TSPAN9: variants seen among roughly 807,000 people sequenced by gnomAD.
TSPAN9 encodes the protein tetraspanin-9.
In TSPAN9, 16 loss-of-function variants were observed where a neutral mutation model predicts 31.0. The ratio of observed to expected loss-of-function variants is 0.52; its 90% confidence interval spans 0.35 to 0.78. The LOEUF is 0.78. Ranked by LOEUF, TSPAN9 falls within the 30% of genes least tolerant of loss-of-function variation. The pLI, the probability that TSPAN9 is intolerant of heterozygous loss-of-function variation, is 0.01. For synonymous variants in TSPAN9, 145 were observed against 121.6 expected, an observed-to-expected ratio of 1.19 and a Z score of -1.27; for missense variants, 272 against 312.5, an observed-to-expected ratio of 0.87 and a Z score of 0.98.
At chr12:3,218,872 AC>A (rs570381452) in intron 3 of TSPAN9, among the ~76,000 whole-genome samples, 159 of 150,958 alleles carry the variant, frequency 1.1e-3, no homozygotes, top group African/African-American at 3.8e-3. Flanking sequence ...TTTTTCCTTT[AC>A]CCCCCGGCAA....
At chr12:3,190,720 C>G (rs1330169392) in intron 2 of TSPAN9, among the ~76,000 whole-genome samples, 1 of 152,216 alleles carries the variant, frequency 6.6e-6, no homozygotes, top group Admixed American at 6.5e-5. Context: ...GATGCCTGTC[C>G]TGCAGGAGTG....
chr12:3,280,957 C>T lies in TSPAN9; in HGVS notation c.433-241C>T, dbSNP rs1033558999. The stretch of plus-strand genomic sequence containing the variant: ...CAGGGCTGAGCCAAGGGGCCCAGCC[C>T]GAGGGGTGGGCTGCATTGCCCTCTC... On this transcript the variant is annotated intron_variant, in intron 6 of 8. Coordinates refer to ENST00000011898, the MANE Select transcript of TSPAN9 (RefSeq NM_006675.5). The surrounding 1 kb of genome is among the most constrained non-coding windows in gnomAD (Gnocchi z 4.5). Among the ~76,000 whole-genome samples, 23 of 151,956 alleles carry T rather than the reference C, an allele frequency of 1.5e-4. No individual in the cohort carries two copies. The highest frequency in any genetic ancestry group is 2.9e-4 in the Non-Finnish European group (20 of 67,950).
chr12:3,244,123 T>A (rs1428687216), intron 3 of TSPAN9, among the ~76,000 whole-genome samples: 2 of 152,136 alleles, frequency 1.3e-5, no homozygotes, highest in African/African-American at 4.8e-5. Flanking sequence ...GGGTGATGGG[T>A]GCTTAAGCGA....
Position 3,113,056 on chromosome 12 carries a change from A to T in TSPAN9, c.-18+29337A>T, listed in dbSNP as rs537221741. Among the ~76,000 whole-genome samples the T allele has an allele frequency of 1.4e-4, 22 of 152,224 alleles. No individual in the cohort carries two copies. The South Asian group carries it at 4.4e-3, about 30-fold the overall frequency. ...CCACTGATTGTTCAGGAGCTATTCGATGAATATTTATTGAGAGCTAACTCT... is the reference window on the plus strand; with the variant it reads ...CCACTGATTGTTCAGGAGCTATTCGTTGAATATTTATTGAGAGCTAACTCT... On this transcript the variant is annotated intron_variant, in intron 2 of 8. Transcript: ENST00000011898.
chr12:3,176,686 C>T (rs7314659), intron 2 of TSPAN9, among the ~76,000 whole-genome samples: 43,279 of 152,130 alleles, frequency 0.28, 6,304 homozygotes, highest in African/African-American at 0.31. Context: ...TCTGGGCCCT[C>T]GTCTCAGCGA....
At chr12:3,207,930 A>G (rs1201034115) in intron 3 of TSPAN9, among the ~76,000 whole-genome samples, 1 of 152,238 alleles carries the variant, frequency 6.6e-6, no homozygotes, top group East Asian at 1.9e-4. Context: ...GGGCGCCTCC[A>G]GAAGTGAGGG....
chr12:3,159,301 C>G (rs60879276), intron 2 of TSPAN9, among the ~76,000 whole-genome samples: 4,263 of 151,402 alleles, frequency 0.028, 210 homozygotes, highest in African/African-American at 0.098. Flanking sequence ...TTGTCTGGGT[C>G]CGTCTCAGTT....
chr12:3,248,376 T>C (rs977863316), intron 3 of TSPAN9, among the ~76,000 whole-genome samples: 93 of 152,214 alleles, frequency 6.1e-4, no homozygotes, highest in African/African-American at 2.2e-3. Flanking sequence ...TTGGGGCTGC[T>C]GCTGTTTCTT....
At position 3,283,138 on chromosome 12, in the gene TSPAN9, AC is replaced by A; in HGVS notation, c.*26del. The A allele has an allele frequency of 1.2e-6, 2 of 1,604,378 alleles. No homozygotes were observed. The highest frequency in any genetic ancestry group is 8.5e-7 in the Non-Finnish European group (1 of 1,179,158). Reference sequence around the variant, plus strand: ...ATGAGCGGGCTGGCCGGGAGTGCCCACCCCGCCCTGCTGCCCTGTGGAGGGA... The same window carrying A: ...ATGAGCGGGCTGGCCGGGAGTGCCCACCCGCCCTGCTGCCCTGTGGAGGGA... On this transcript the variant is annotated 3_prime_UTR_variant, in exon 9 of 9. Coordinates refer to ENST00000011898, the MANE Select transcript of TSPAN9 (RefSeq NM_006675.5).
intron 2 of TSPAN9, among the ~76,000 whole-genome samples, chr12:3,166,349 G>A (rs536784141): frequency 6.6e-6 from 1 of 152,242 alleles, no homozygotes; most frequent in Admixed American, 6.5e-5. Flanking sequence ...ATTTAGAAAG[G>A]ATTTGTTATT....
intron 2 of TSPAN9, among the ~76,000 whole-genome samples, chr12:3,096,473 C>T (rs1412677379): frequency 6.6e-6 from 1 of 151,770 alleles, no homozygotes; most frequent in African/African-American, 2.4e-5. Flanking sequence ...GTTTTCCATT[C>T]ACTGGTGCTT....
intron 2 of TSPAN9, among the ~76,000 whole-genome samples, chr12:3,095,216 G>A (rs931867294): frequency 1.6e-5 from 2 of 122,206 alleles, no homozygotes; most frequent in Admixed American, 7.9e-5. Context: ...GGATCCCAAG[G>A]CAGAGGAATT....
In TSPAN9 at chr12:3,147,548, C is replaced by G. The variant is rs924546260; in HGVS notation, c.-17-53629C>G. 6.6e-6 allele frequency among the ~76,000 whole-genome samples: 1 copy of G among 152,148 alleles called. No individual in the cohort carries two copies. Among genetic ancestry groups the G allele is most frequent in the Admixed American group, 6.5e-5 (1 of 15,268 alleles). On this transcript the variant is annotated intron_variant, in intron 2 of 8. Coordinates refer to ENST00000011898, the MANE Select transcript of TSPAN9 (RefSeq NM_006675.5). This position sits in a 1 kb window ranked among gnomAD's most constrained non-coding sequence, Gnocchi z 4.3. The stretch of plus-strand genomic sequence containing the variant: ...TTTGAGCCACCTAGGGCCTGTTCTG[C>G]CCCCGAAGAGAGAGAACCAGCCAGC...
intron 3 of TSPAN9, among the ~76,000 whole-genome samples, chr12:3,203,471 T>A (rs540712880): frequency 1.3e-5 from 2 of 152,338 alleles, no homozygotes. Flanking sequence ...CATCTTCCCT[T>A]AAAACCTTGG....
chr12:3,280,589 AT>A lies in TSPAN9; in HGVS notation c.432+110del. The A allele has an allele frequency of 9.2e-7, 1 of 1,087,170 alleles. No homozygotes were observed. The highest frequency in any genetic ancestry group is 1.3e-6 in the Non-Finnish European group (1 of 748,728). The allele number at this position is 1,087,170 out of a possible 1,614,324, so 67.3% of individuals were successfully genotyped here. A position where few individuals can be genotyped will look rare whatever the true frequency, so the allele number is the denominator to read the frequency against. The stretch of plus-strand genomic sequence containing the variant: ...CTGGCCGGGCACCTGTGCTTTCTGG[AT>A]TTTAGCCGGGAGTGGAGTGGTACCC... On this transcript the variant is annotated intron_variant, in intron 6 of 8. Coordinates refer to ENST00000011898, the MANE Select transcript of TSPAN9 (RefSeq NM_006675.5). This position sits in a 1 kb window ranked among gnomAD's most constrained non-coding sequence, Gnocchi z 4.5.
intron 3 of TSPAN9, among the ~76,000 whole-genome samples, chr12:3,253,086 C>A (rs901703119): frequency 2.0e-5 from 3 of 152,106 alleles, no homozygotes; most frequent in African/African-American, 7.2e-5. Context: ...TCTGACCCAC[C>A]TCTCAGAAGT....
chr12:3,131,344 G>A (rs2098329761), intron 2 of TSPAN9, among the ~76,000 whole-genome samples: 2 of 152,186 alleles, frequency 1.3e-5, no homozygotes, highest in South Asian at 4.1e-4. Flanking sequence ...CGAAGCTGCG[G>A]CCCACGTTCT....
chr12:3,207,207 C>T (rs978253035), intron 3 of TSPAN9, among the ~76,000 whole-genome samples: 7 of 152,170 alleles, frequency 4.6e-5, no homozygotes, highest in African/African-American at 1.2e-4. Context: ...CAGAGACCAC[C>T]GTGACAGGTC....
At chr12:3,282,980 T>A in intron 8 of TSPAN9, 65 bp from the exon 9 acceptor site, 1 of 1,559,266 alleles carries the variant, frequency 6.4e-7, no homozygotes, top group Non-Finnish European at 8.7e-7. Flanking sequence ...CCCAAGCCTC[T>A]CGGGGCTGAG....
Sources: gnomAD v4.1 joint callset for allele counts (sites outside exome capture counted in the v4.1 genomes callset) on GRCh38, gnomAD v4.1.1 for gene constraint, Gnocchi (gnomAD v3.1) non-coding constraint, MANE v1.5 for transcripts, NCBI Gene and HGNC (gene_info 2026-07-23, HGNC 2026-07-21) for gene names.